MECOM: variants seen among roughly 807,000 people sequenced by gnomAD.
MECOM encodes the protein histone-lysine N-methyltransferase MECOM.
MECOM carries 13 observed loss-of-function variants against 116.3 expected under a neutral mutation model. The ratio of observed to expected loss-of-function variants is 0.11; its 90% CI spans 0.07 to 0.18. The LOEUF (loss-of-function observed/expected upper bound fraction) is 0.18, where lower values mean the gene tolerates loss of function less well. MECOM is among the 10% of genes least tolerant of loss of function. The pLI is 1.00. For synonymous variants in MECOM, 528 were observed against 535.2 expected, an observed-to-expected ratio of 0.99 and a Z score of 0.19; for missense variants, 1,299 against 1,509.0, an observed-to-expected ratio of 0.86 and a Z score of 2.31.
At chr3:169,256,215 G>A (rs181741637) in intron 2 of MECOM, among the ~76,000 whole-genome samples, 37 of 152,090 alleles carry the variant, frequency 2.4e-4, no homozygotes, top group African/African-American at 8.2e-4. Context: ...CATGACTGGT[G>A]TATTTACTGG....
chr3:169,089,918 A>C, intron 15 of MECOM, 82 bp downstream of exon 15: 1 of 1,516,982 alleles, frequency 6.6e-7, no homozygotes, highest in Non-Finnish European at 8.8e-7. Flanking sequence ...TTTATAACTC[A>C]CAAATTGCTT....
At chr3:169,281,172 T>A (rs1711901279) in intron 2 of MECOM, among the ~76,000 whole-genome samples, 1 of 152,162 alleles carries the variant, frequency 6.6e-6, no homozygotes, top group Non-Finnish European at 1.5e-5. Flanking sequence ...AAATGCAGAA[T>A]CTCCATCCCC....
intron 1 of MECOM, among the ~76,000 whole-genome samples, chr3:169,468,479 A>G (rs1470784183): frequency 6.8e-6 from 1 of 146,192 alleles, no homozygotes; most frequent in Non-Finnish European, 1.5e-5. Context: ...GTAGATTGGG[A>G]CCATATTTGT....
chr3:169,618,805 GTGAGA>G (rs1384067446), intron 1 of MECOM, among the ~76,000 whole-genome samples: 1 of 152,172 alleles, frequency 6.6e-6, no homozygotes, highest in Non-Finnish European at 1.5e-5. Context: ...CCCACTGTAT[GTGAGA>G]TATAGAGCAT....
At chr3:169,525,352 T>G (rs1757845567) in intron 1 of MECOM, among the ~76,000 whole-genome samples, 1 of 152,164 alleles carries the variant, frequency 6.6e-6, no homozygotes, top group South Asian at 2.1e-4. Context: ...CAAGCAAAAT[T>G]TATATACTTT....
At chr3:169,534,306 A>C (rs773093974) in intron 1 of MECOM, among the ~76,000 whole-genome samples, 2 of 152,128 alleles carry the variant, frequency 1.3e-5, no homozygotes, top group Non-Finnish European at 2.9e-5. Context: ...TTTTCAGACT[A>C]AGATTTTTAA....
chr3:169,121,293 T>A, intron 6 of MECOM, 84 bp from the exon 7 acceptor site: 2 of 1,382,120 alleles, frequency 1.4e-6, no homozygotes, highest in Non-Finnish European at 1.9e-6. Context: ...AAGAAGAAAT[T>A]TTTCTTATTT....
At chr3:169,652,728 A>T (rs1470050224) in intron 1 of MECOM, among the ~76,000 whole-genome samples, 1 of 152,210 alleles carries the variant, frequency 6.6e-6, no homozygotes, top group African/African-American at 2.4e-5. Flanking sequence ...TATCAACCTT[A>T]AATTGTTTGA....
chr3:169,480,458 C>T (rs899241551), intron 1 of MECOM, among the ~76,000 whole-genome samples: 1 of 152,200 alleles, frequency 6.6e-6, no homozygotes, highest in Non-Finnish European at 1.5e-5. Context: ...CCCCCAACCC[C>T]TTCCCCTGTG....
At chr3:169,099,110 A>G (rs1722684010) in intron 12 of MECOM, among the ~76,000 whole-genome samples, 1 of 125,640 alleles carries the variant, frequency 8.0e-6, no homozygotes, top group African/African-American at 3.2e-5. Context: ...ATTCTTCTGC[A>G]AGGAAAAAAA....
chr3:169,117,075 T>G (rs1729398475), intron 7 of MECOM, among the ~76,000 whole-genome samples: 1 of 152,200 alleles, frequency 6.6e-6, no homozygotes, highest in African/African-American at 2.4e-5. Flanking sequence ...CACACAATTA[T>G]TATACTAATA....
chr3:169,645,960 C>T (rs922640869), intron 1 of MECOM, among the ~76,000 whole-genome samples: 2 of 152,034 alleles, frequency 1.3e-5, no homozygotes, highest in African/African-American at 4.8e-5. Context: ...TCTATGCAGC[C>T]ATATTTGAAA....
chr3:169,663,513 TCTC>T lies in MECOM; in HGVS notation c.-144_-142del, dbSNP rs1776608599. 13 of 670,654 alleles carry T rather than the reference TCTC, an allele frequency of 1.9e-5. No individual in the cohort carries two copies. The highest frequency in any genetic ancestry group is 3.4e-5 in the Non-Finnish European group (13 of 380,780). The allele number at this position is 670,654 out of a possible 1,614,324, so 41.5% of individuals were successfully genotyped here. ...CTCTCTCTCTCTCTCTCTCTCTCTCTCTCTCTCTCTCTCTCTCCCTCCCTCCTG... is the reference window on the plus strand; with the variant it reads ...CTCTCTCTCTCTCTCTCTCTCTCTCTTCTCTCTCTCTCTCCCTCCCTCCTG... On this transcript the variant is annotated 5_prime_UTR_variant, in exon 1 of 17. Transcript: ENST00000651503.
intron 5 of MECOM, among the ~76,000 whole-genome samples, chr3:169,124,767 T>C (rs912505872): frequency 6.6e-6 from 1 of 152,090 alleles, no homozygotes; most frequent in East Asian, 1.9e-4. Context: ...ATCCGCTCTC[T>C]AGTTTTGTGT....
intron 1 of MECOM, among the ~76,000 whole-genome samples, chr3:169,395,659 T>C (rs1734913801): frequency 6.6e-6 from 1 of 152,196 alleles, no homozygotes; most frequent in African/African-American, 2.4e-5. Flanking sequence ...AAACAAAAAG[T>C]CTCTACATGG....
At chr3:169,446,734 G>A (rs368898570) in intron 1 of MECOM, among the ~76,000 whole-genome samples, 17 of 152,226 alleles carry the variant, frequency 1.1e-4, no homozygotes, top group African/African-American at 3.9e-4. Flanking sequence ...TTCAGTTAAG[G>A]AAATAAAGAC....
At position 169,345,068 on chromosome 3, in the gene MECOM, AATGT is replaced by A. The variant is rs573664215; in HGVS notation, c.375+36115_375+36118del. Among the ~76,000 whole-genome samples the A allele has an allele frequency of 5.3e-5, 8 of 152,300 alleles. No homozygotes were observed. The South Asian group carries it at 1.7e-3, about 32-fold the overall frequency. On this transcript the variant is annotated intron_variant, in intron 2 of 16. Transcript: ENST00000651503. ...TGGGGAATAAATGCATTTAACAGTT[AATGT>A]GAACTCCACAGAAATAAATTACATG...
chr3:169,453,349 T>C (rs187867781), intron 1 of MECOM, among the ~76,000 whole-genome samples: 3 of 152,326 alleles, frequency 2.0e-5, no homozygotes, highest in Admixed American at 2.0e-4. Context: ...TAAAGATGTA[T>C]GTTTTTGAAT....
At chr3:169,358,018 C>T (rs562318540) in intron 2 of MECOM, among the ~76,000 whole-genome samples, 3 of 151,820 alleles carry the variant, frequency 2.0e-5, no homozygotes, top group East Asian at 3.9e-4. Context: ...ACTTTACCAG[C>T]GCCTTATGTA....
Sources: allele counts gnomAD v4.1 joint callset (sites outside exome capture counted in the v4.1 genomes callset), GRCh38; gene constraint gnomAD v4.1.1; transcripts MANE v1.5; gene names NCBI Gene and HGNC (gene_info 2026-07-23, HGNC 2026-07-21).